Variants in PLOD3 observed in about 807,000 individuals in gnomAD.
PLOD3 encodes multifunctional procollagen lysine hydroxylase and glycosyltransferase LH3.
Under a neutral mutation model 96.9 loss-of-function variants are expected in PLOD3, and 73 were observed. The observed-to-expected ratio is 0.75, with a 90% CI of 0.62 to 0.92. The LOEUF (loss-of-function observed/expected upper bound fraction) is 0.92. PLOD3 is among the 40% of genes least tolerant of loss of function. PLOD3 has a pLI of 0.00. For synonymous variants in PLOD3, 454 were observed against 413.7 expected (o/e 1.10, Z -1.18); for missense variants, 1,004 against 1,004.3 (o/e 1.00, Z 0.00).
At chr7:101,209,506 T>C (rs1018705461) in intron 15 of PLOD3, among the ~76,000 whole-genome samples, 1 of 150,782 alleles carries the variant, frequency 6.6e-6, no homozygotes, top group Non-Finnish European at 1.5e-5. Context: ...GCCTCCCGAG[T>C]AGCTGGGACT....
rs745986631 is a variant in PLOD3, at chr7:101,208,860, C to T, written c.1781G>A (p.Arg594Gln). 50 of 1,610,652 alleles carry T rather than the reference C, an allele frequency of 3.1e-5. No homozygotes were observed. The highest frequency in any genetic ancestry group is 2.2e-5 in the East Asian group (1 of 44,874). ...MEHYGQWSGG[R>Q]HEDSRLAGGY... ...CCTCGCCCAGGCCCTTACCTCATGC[C>T]GGCCGCCTGACCACTGGCCGTAGTG... is the stretch of plus-strand genomic sequence containing the variant. The change falls in exon 16 of 19, where the codon CGG (arginine) becomes CAG (glutamine). Residue 594 changes from arginine to glutamine, a missense_variant. Physicochemically the swap from Arg to Gln is conservative, Grantham distance 43. Around this residue, in one of 5 missense-constraint regions of PLOD3, gnomAD observed 222 missense variants for 220.4 expected, o/e 1.01. Coordinates refer to ENST00000223127, the MANE Select transcript of PLOD3 (RefSeq NM_001084.5).
chr7:101,211,178 G>A (rs957595153), intron 12 of PLOD3: 3 of 203,576 alleles, frequency 1.5e-5, no homozygotes, highest in South Asian at 9.1e-5. Flanking sequence ...ACCGCGGCCG[G>A]CCCTTGTTTT....
intron 16 of PLOD3, chr7:101,208,530 C>T (rs753238810): frequency 3.1e-4 from 111 of 363,128 alleles, no homozygotes; most frequent in Non-Finnish European, 4.0e-4. Context: ...CGTGAGCCAC[C>T]GCACCTGGCC....
chr7:101,213,520 TTA>T, intron 6 of PLOD3: 1 of 322,102 alleles, frequency 3.1e-6, no homozygotes, highest in Non-Finnish European at 5.9e-6. Flanking sequence ...TTTTTTTTTT[TTA>T]TTTTTATTTT....
rs1798245075 is a variant in PLOD3 at position 101,214,952 on chromosome 7, CCAGCCACT to C, written c.679+129_679+136del. ...CATCAGCACAGTGCAACTTACACAA[CCAGCCACT>C]CAGACGCCTGACAAAACCACATAGA... is the stretch of plus-strand genomic sequence containing the variant. On this transcript the variant is annotated intron_variant, in intron 6 of 18. Transcript: ENST00000223127. The C allele has an allele frequency of 1.0e-5, 8 of 769,672 alleles. No homozygotes were observed. In the South Asian group the frequency reaches 1.1e-4, roughly 11 times the overall value. 47.7% of individuals were successfully genotyped at this position (769,672 alleles called of 1,614,324 possible). A position where few individuals can be genotyped will look rare whatever the true frequency, so the allele number is the denominator to read the frequency against.
In PLOD3 at chr7:101,206,224, G is replaced by C; in HGVS notation, c.*57C>G. ...CCCATCCCCCAACTCCCAGGACGGGGGCCAGGCCCCCTAAAAAGGCACAAT... is the reference window on the plus strand; with the variant it reads ...CCCATCCCCCAACTCCCAGGACGGGCGCCAGGCCCCCTAAAAAGGCACAAT... On this transcript the variant is annotated 3_prime_UTR_variant, in exon 19 of 19. Transcript: ENST00000223127. The C allele has an allele frequency of 6.3e-7, 1 of 1,580,952 alleles. No homozygotes were observed. The highest frequency in any genetic ancestry group is 8.7e-7 in the Non-Finnish European group (1 of 1,150,250).
At chr7:101,213,519 T>TTA in intron 6 of PLOD3, 13 of 312,636 alleles carry the variant, frequency 4.2e-5, no homozygotes, top group Non-Finnish European at 6.1e-5. Context: ...TTTTTTTTTT[T>TTA]TTATTTTTAT....
In PLOD3 at chr7:101,210,343, G is replaced by A. The variant is rs768164152; in HGVS notation, c.1602C>T (p.Phe534=). ...EHLHPDLWQI[F]DNPVDWKEQY... is the part of the protein sequence containing the mutation. Reference sequence around the variant, plus strand: ...GGTCCCCACTCACGACGGGGTTGTCGAAGATCTGCCAGAGGTCGGGGTGCA... The same window carrying A: ...GGTCCCCACTCACGACGGGGTTGTCAAAGATCTGCCAGAGGTCGGGGTGCA... Residue 534 remains phenylalanine, a synonymous_variant, in exon 14 of 19, where the codon TTC becomes TTT. Coordinates refer to ENST00000223127, the MANE Select transcript of PLOD3 (RefSeq NM_001084.5). 2.4e-5 allele frequency: 38 copies of A among 1,613,884 alleles called. 1 individual carries two copies. The highest frequency in any genetic ancestry group is 2.2e-4 in the East Asian group (10 of 44,880).
chr7:101,213,617 A>AAAGATTCTCTT (rs1162889441), intron 6 of PLOD3: 9 of 202,052 alleles, frequency 4.5e-5, no homozygotes, highest in Admixed American at 3.7e-4. Flanking sequence ...CCTGAGTTCA[A>AAAGATTCTCTT]AAGATTCTCT....
chr7:101,213,068 GGGGCA>G, intron 7 of PLOD3, 34 bp downstream of exon 7: 1 of 1,457,130 alleles, frequency 6.9e-7, no homozygotes, highest in South Asian at 1.1e-5. Flanking sequence ...CCTGGGGGTT[GGGGCA>G]GGGCGGGGCG....
At chr7:101,208,328 C>T (rs1281419861) in intron 16 of PLOD3, among the ~76,000 whole-genome samples, 6 of 151,994 alleles carry the variant, frequency 3.9e-5, no homozygotes, top group African/African-American at 2.4e-5. Context: ...TCACTGCAAC[C>T]TCTGCCTCCC....
chr7:101,211,899 G>A lies in PLOD3; in HGVS notation c.1179C>T (p.Ala393=), dbSNP rs11546152. The change falls in exon 11 of 19, where the codon GCC becomes GCT. Residue 393 remains alanine (A), a synonymous_variant. Coordinates refer to ENST00000223127, the MANE Select transcript of PLOD3 (RefSeq NM_001084.5). ...PECEFYFSLD[A]DAVLTNLQTL... Reference sequence around the variant, plus strand: ...TCTGCAGGTTGGTGAGGACAGCGTCGGCGTCCAGGCTGAAGTAGAACTCAC... The same window carrying A: ...TCTGCAGGTTGGTGAGGACAGCGTCAGCGTCCAGGCTGAAGTAGAACTCAC... 18,799 of 1,611,948 alleles carry A rather than the reference G, an allele frequency of 0.012. 159 individuals are homozygous for A. The highest frequency in any genetic ancestry group is 0.014 in the Non-Finnish European group (16,941 of 1,179,208).
rs779471865 is a variant in PLOD3, at chr7:101,211,966, G to A, written c.1128-16C>T. On this transcript the variant is annotated splice_polypyrimidine_tract_variant and intron_variant, in intron 10 of 18. Transcript: ENST00000223127. ...ACACAGGTCCCTGGAGGTGAGAGGC[G>A]AGCTGAGACGGCGGCAGGTGGGGAG... The A allele has an allele frequency of 2.8e-5, 43 of 1,559,428 alleles. No homozygotes were observed. Among genetic ancestry groups the A allele is most frequent in the Non-Finnish European group, 3.7e-5 (42 of 1,142,094 alleles).
intron 15 of PLOD3, 102 bp from the exon 16 acceptor site, chr7:101,209,059 G>C (rs1798136983): frequency 9.0e-6 from 8 of 891,566 alleles, no homozygotes; most frequent in Non-Finnish European, 1.5e-5. Context: ...AGCAGGGAAG[G>C]CTTTGTGAGA....
Position 101,207,693 on chromosome 7 carries a change from A to C in PLOD3, c.1820T>G (p.Val607Gly). Residue 607 changes from valine to glycine, a missense_variant, in exon 17 of 19, where the codon GTG becomes GGG. Val to Gly is a moderately radical substitution (Grantham distance 109). Around this residue, in one of 5 missense-constraint regions of PLOD3, gnomAD observed 222 missense variants for 220.4 expected, o/e 1.01. Coordinates refer to ENST00000223127, the MANE Select transcript of PLOD3 (RefSeq NM_001084.5). ...DSRLAGGYEN[V>G]PTVDIHMKQV... ...CTTCATGTGGATGTCCACGGTGGGC[A>C]CATTCTCGTAGCCTCCAGCCAGCCT... 6.2e-7 allele frequency: 1 copy of C among 1,613,928 alleles called. No individual in the cohort carries two copies.
intron 6 of PLOD3, among the ~76,000 whole-genome samples, chr7:101,214,302 C>CT (rs1279066672): frequency 3.3e-5 from 5 of 150,434 alleles, no homozygotes; most frequent in Non-Finnish European, 7.4e-5. Context: ...CATTTTTGTA[C>CT]TTTTTTTTAG....
chr7:101,213,522 ATTTTT>A (rs1239381749), intron 6 of PLOD3: 2 of 283,752 alleles, frequency 7.0e-6, no homozygotes, highest in Non-Finnish European at 1.3e-5. Context: ...TTTTTTTTTT[ATTTTT>A]ATTTTTTGAG....
intron 10 of PLOD3, 25 bp from the exon 11 acceptor site, chr7:101,211,975 C>T (rs376458849): frequency 7.4e-5 from 112 of 1,521,678 alleles, no homozygotes; most frequent in Non-Finnish European, 9.8e-5. Flanking sequence ...CGAGCTGAGA[C>T]GGCGGCAGGT....
intron 15 of PLOD3, 146 bp downstream of exon 15, chr7:101,209,947 G>T: frequency 1.7e-6 from 1 of 602,388 alleles, no homozygotes; most frequent in Non-Finnish European, 3.0e-6. Flanking sequence ...AGTCCTTTCT[G>T]TTCGGCCTCT....
Sources: allele counts gnomAD v4.1 joint callset (sites outside exome capture counted in the v4.1 genomes callset), GRCh38; gene constraint gnomAD v4.1.1; regional missense constraint gnomAD v4.1.1; transcripts MANE v1.5; gene names NCBI Gene and HGNC (gene_info 2026-07-23, HGNC 2026-07-21).